Variants in CSMD3 observed in about 807,000 individuals in gnomAD.
CSMD3 encodes the protein CUB and Sushi multiple domains 3.
Under a neutral mutation model 435.2 loss-of-function variants are expected in CSMD3, and 177 were observed. The ratio of observed to expected loss-of-function variants is 0.41; its 90% CI spans 0.36 to 0.46. The LOEUF is 0.46. Among genes scored for constraint, CSMD3 ranks in the 20% least tolerant of loss-of-function variants. The probability of loss-of-function intolerance (pLI) is 0.34; values close to 1 mark genes in which losing one functional copy is unlikely to be tolerated. For synonymous variants in CSMD3, 1,656 were observed against 1,520.5 expected, an observed-to-expected ratio of 1.09 and a Z score of -2.07; for missense variants, 4,265 against 4,504.6, an observed-to-expected ratio of 0.95 and a Z score of 1.52.
chr8:112,694,641 T>C (rs2076212377), intron 13 of CSMD3, among the ~76,000 whole-genome samples: 1 of 152,110 alleles, frequency 6.6e-6, no homozygotes, highest in African/African-American at 2.4e-5. Context: ...ATGCACCTAG[T>C]ATGTAACACT....
intron 1 of CSMD3, among the ~76,000 whole-genome samples, chr8:113,397,302 C>A (rs188946593): frequency 6.6e-6 from 1 of 151,908 alleles, no homozygotes; most frequent in Non-Finnish European, 1.5e-5. Flanking sequence ...TAAACATTTA[C>A]GTTTCTTCTT....
chr8:112,669,964 C>G (rs2075618741), intron 16 of CSMD3, among the ~76,000 whole-genome samples: 1 of 152,182 alleles, frequency 6.6e-6, no homozygotes, highest in Non-Finnish European at 1.5e-5. Flanking sequence ...TTCCAACTGA[C>G]ATTAAGATAG....
chr8:113,282,973 A>T (rs2093622798), intron 2 of CSMD3, among the ~76,000 whole-genome samples: 1 of 152,134 alleles, frequency 6.6e-6, no homozygotes, highest in Admixed American at 6.6e-5. Context: ...AAACAAAAAC[A>T]TAAAGTGGGG....
intron 30 of CSMD3, among the ~76,000 whole-genome samples, chr8:112,495,469 C>T (rs1381097668): frequency 6.6e-6 from 1 of 152,132 alleles, no homozygotes; most frequent in Non-Finnish European, 1.5e-5. Flanking sequence ...AAAAATAATG[C>T]CTCTGCAACA....
intron 7 of CSMD3, among the ~76,000 whole-genome samples, chr8:112,955,447 C>A (rs1261774580): frequency 1.1e-4 from 17 of 151,688 alleles, no homozygotes; most frequent in Admixed American, 1.1e-3. Flanking sequence ...TATAAGCATA[C>A]AATGTGTAAT....
At chr8:113,248,518 T>TTA (rs1185888997) in intron 3 of CSMD3, among the ~76,000 whole-genome samples, 57 of 128,044 alleles carry the variant, frequency 4.5e-4, no homozygotes, top group Admixed American at 1.6e-3. Flanking sequence ...TATTTCCATA[T>TTA]TATATATATA....
In CSMD3 at chr8:113,315,717, T is replaced by C. The variant is rs531151014; in HGVS notation, c.179-924A>G. Reference sequence around the variant, plus strand: ...ATATTAAATATATATCAAATATATATATTAAATATATATTTTTTTGAGACA... The same window carrying C: ...ATATTAAATATATATCAAATATATACATTAAATATATATTTTTTTGAGACA... On this transcript the variant is annotated intron_variant, in intron 1 of 70. Transcript: ENST00000297405. 4.2e-4 allele frequency among the ~76,000 whole-genome samples: 62 copies of C among 148,518 alleles called. 1 individual carries two copies. In the South Asian group the frequency reaches 0.012, roughly 29 times the overall value.
intron 3 of CSMD3, among the ~76,000 whole-genome samples, chr8:113,248,492 TATAC>T (rs1231066110): frequency 2.2e-5 from 3 of 136,514 alleles, no homozygotes; most frequent in African/African-American, 7.9e-5. Flanking sequence ...TATACATATA[TATAC>T]ACACACACAT....
intron 31 of CSMD3, among the ~76,000 whole-genome samples, chr8:112,473,590 A>G (rs1444743919): frequency 1.3e-5 from 2 of 152,194 alleles, no homozygotes; most frequent in African/African-American, 4.8e-5. Flanking sequence ...AGTTTCAATG[A>G]AAAACAAGTG....
intron 1 of CSMD3, among the ~76,000 whole-genome samples, chr8:113,388,888 C>T (rs2094450110): frequency 6.6e-6 from 1 of 151,488 alleles, no homozygotes; most frequent in Non-Finnish European, 1.5e-5. Context: ...TTATCATGAG[C>T]CTCTAAAGCA....
intron 32 of CSMD3, among the ~76,000 whole-genome samples, chr8:112,452,974 T>G (rs1352154179): frequency 6.6e-6 from 1 of 152,198 alleles, no homozygotes; most frequent in African/African-American, 2.4e-5. Flanking sequence ...TAAAATTAAT[T>G]GAGCGTTTTG....
intron 24 of CSMD3, among the ~76,000 whole-genome samples, chr8:112,569,925 C>T (rs527462029): frequency 1.3e-5 from 2 of 152,246 alleles, no homozygotes; most frequent in Admixed American, 6.5e-5. Context: ...CAAATGTTCT[C>T]GCTCCTGTTC....
chr8:112,581,754 A>T (rs1830352432), intron 23 of CSMD3, among the ~76,000 whole-genome samples: 1 of 152,074 alleles, frequency 6.6e-6, no homozygotes, highest in Admixed American at 6.6e-5. Flanking sequence ...AATTAAAGGA[A>T]TTAACTATGA....
chr8:112,353,488 A>C lies in CSMD3; in HGVS notation c.6137-954T>G, dbSNP rs565916712. On this transcript the variant is annotated intron_variant, in intron 38 of 70. Coordinates refer to ENST00000297405, the MANE Select transcript of CSMD3 (RefSeq NM_198123.2). Reference sequence around the variant, plus strand: ...AGTATTTTTCTGATAAGGAGATAACAATGTAATTCAAAACACTTTCATTAT... The same window carrying C: ...AGTATTTTTCTGATAAGGAGATAACCATGTAATTCAAAACACTTTCATTAT... Among the ~76,000 whole-genome samples, 4 of 152,320 alleles carry C rather than the reference A, an allele frequency of 2.6e-5. No homozygotes were observed. The South Asian group carries it at 8.3e-4, about 32-fold the overall frequency.
intron 1 of CSMD3, among the ~76,000 whole-genome samples, chr8:113,323,553 T>G (rs1476402462): frequency 6.6e-6 from 1 of 152,170 alleles, no homozygotes; most frequent in Non-Finnish European, 1.5e-5. Flanking sequence ...GATTTCAAAA[T>G]GACCTCATTT....
At chr8:113,390,408 C>T (rs2094456778) in intron 1 of CSMD3, among the ~76,000 whole-genome samples, 1 of 151,600 alleles carries the variant, frequency 6.6e-6, no homozygotes, top group African/African-American at 2.4e-5. Flanking sequence ...ACTTTAGGAC[C>T]CAGGTATACA....
chr8:112,422,779 A>G (rs963644943), intron 32 of CSMD3, among the ~76,000 whole-genome samples: 1 of 152,210 alleles, frequency 6.6e-6, no homozygotes, highest in Admixed American at 6.5e-5. Flanking sequence ...TGATTTTATA[A>G]ATAAATCAAA....
At chr8:113,222,272 A>G (rs532081909) in intron 3 of CSMD3, among the ~76,000 whole-genome samples, 1 of 151,232 alleles carries the variant, frequency 6.6e-6, no homozygotes, top group Admixed American at 6.6e-5. Context: ...GAAATCCTAA[A>G]AATTATATTC....
chr8:112,896,549 T>A (rs2081954642), intron 10 of CSMD3, among the ~76,000 whole-genome samples: 1 of 118,374 alleles, frequency 8.4e-6, no homozygotes, highest in South Asian at 3.0e-4. Context: ...CCTTATTTAA[T>A]CCATCACCAA....
Sources: allele counts gnomAD v4.1 joint callset (sites outside exome capture counted in the v4.1 genomes callset), GRCh38; gene constraint gnomAD v4.1.1; transcripts MANE v1.5; gene names NCBI Gene and HGNC (gene_info 2026-07-23, HGNC 2026-07-21).